FBLN7: variants seen among roughly 807,000 people sequenced by gnomAD.
The protein encoded by FBLN7 is fibulin-7.
In FBLN7, 31 loss-of-function variants were observed where a neutral mutation model predicts 44.0. That is an observed-to-expected ratio of 0.70 (90% CI 0.53 to 0.95). The LOEUF (loss-of-function observed/expected upper bound fraction) is 0.95, where lower values mean the gene tolerates loss of function less well. Among genes scored for constraint, FBLN7 ranks in the 40% least tolerant of loss-of-function variants. FBLN7 has a pLI of 0.00. For missense variants in FBLN7, 573 were observed against 618.5 expected (o/e 0.93, Z 0.78); for synonymous variants, 262 against 253.4 (o/e 1.03, Z -0.32).
chr2:112,188,231 A>G (rs369998762), downstream of FBLN7: 1 of 152,260 alleles, frequency 6.6e-6, no homozygotes, highest in Admixed American at 6.5e-5. Flanking sequence ...CCTGACTTCT[A>G]CCTGAGCATG....
chr2:112,228,194 G>A, the FBLN7 span, among the ~76,000 whole-genome samples: 1 of 152,100 alleles, frequency 6.6e-6, no homozygotes, highest in East Asian at 1.9e-4. Flanking sequence ...GGGGGAAGGG[G>A]CAGTCTTTTT....
chr2:112,218,033 C>A, the FBLN7 span, among the ~76,000 whole-genome samples: 3 of 152,142 alleles, frequency 2.0e-5, no homozygotes, highest in African/African-American at 7.2e-5. Flanking sequence ...GCATTACAGG[C>A]TCATACCAGC....
chr2:112,189,921 T>C (rs1683429087), downstream of FBLN7: 1 of 152,258 alleles, frequency 6.6e-6, no homozygotes, highest in African/African-American at 2.4e-5. Flanking sequence ...TCGTTGACAT[T>C]TCTCTGAGTG....
chr2:112,160,154 C>G (rs1232374774), intron 2 of FBLN7, among the ~76,000 whole-genome samples: 1 of 151,792 alleles, frequency 6.6e-6, no homozygotes, highest in Non-Finnish European at 1.5e-5. Flanking sequence ...CCACGCCCGG[C>G]TAATTTTTTG....
intron 1 of FBLN7, among the ~76,000 whole-genome samples, chr2:112,144,623 C>T (rs563896872): frequency 3.7e-4 from 55 of 150,314 alleles, no homozygotes; most frequent in African/African-American, 1.3e-3. Flanking sequence ...CTCCCGGGTT[C>T]AAGCGATTCT....
intron 4 of FBLN7, among the ~76,000 whole-genome samples, chr2:112,180,484 A>G (rs1198327997): frequency 2.0e-5 from 3 of 152,154 alleles, no homozygotes; most frequent in Non-Finnish European, 4.4e-5. Flanking sequence ...CAGCAATCCT[A>G]TTACTGGGTA....
At chr2:112,183,811 C>G (rs559523053) in intron 6 of FBLN7, among the ~76,000 whole-genome samples, 50 of 152,238 alleles carry the variant, frequency 3.3e-4, no homozygotes, top group African/African-American at 1.1e-3. Flanking sequence ...CAAGGAATGT[C>G]TGCAGCAGGG....
chr2:112,155,095 T>C (rs1681347739), intron 1 of FBLN7, among the ~76,000 whole-genome samples: 1 of 152,184 alleles, frequency 6.6e-6, no homozygotes, highest in Non-Finnish European at 1.5e-5. Flanking sequence ...TTTCTGTATT[T>C]TGAATTGTTT....
chr2:112,190,824 T>G (rs1683462892), downstream of FBLN7, among the ~76,000 whole-genome samples: 1 of 152,136 alleles, frequency 6.6e-6, no homozygotes, highest in Non-Finnish European at 1.5e-5. Flanking sequence ...GTGCTCAGAG[T>G]GCTCATTGGT....
chr2:112,233,695 G>A, the FBLN7 span, among the ~76,000 whole-genome samples: 18 of 152,032 alleles, frequency 1.2e-4, no homozygotes, highest in African/African-American at 3.6e-4. Flanking sequence ...GTGAAACCTC[G>A]TCCCTACTAA....
the FBLN7 span, chr2:112,238,641 A>G: frequency 1.3e-6 from 1 of 785,232 alleles, no homozygotes; most frequent in African/African-American, 1.7e-5. Context: ...GGTGGGTAAT[A>G]GGTACATGGG....
intron 1 of FBLN7, among the ~76,000 whole-genome samples, chr2:112,147,172 G>A (rs1219043053): frequency 1.3e-5 from 2 of 152,082 alleles, no homozygotes; most frequent in African/African-American, 2.4e-5. Flanking sequence ...AAACCATGTG[G>A]GCCTGGAGAC....
chr2:112,172,012 G>A (rs554938236), intron 3 of FBLN7, among the ~76,000 whole-genome samples: 1 of 152,280 alleles, frequency 6.6e-6, no homozygotes, highest in African/African-American at 2.4e-5. Flanking sequence ...CTCCCAAAGT[G>A]CTAGGATTAC....
chr2:112,184,630 AGTGT>A (rs553939625), intron 6 of FBLN7, among the ~76,000 whole-genome samples: 5 of 112,458 alleles, frequency 4.4e-5, no homozygotes, highest in Middle Eastern at 3.7e-3. Flanking sequence ...ATTTAAAAAA[AGTGT>A]GTGTATATAT....
At chr2:112,196,378 T>C in the FBLN7 span, among the ~76,000 whole-genome samples, 2,944 of 133,548 alleles carry the variant, frequency 0.022, 46 homozygotes, top group African/African-American at 0.082. Flanking sequence ...CTTCTTCTTT[T>C]TTTTTTTTTT....
At chr2:112,199,993 T>C in the FBLN7 span, among the ~76,000 whole-genome samples, 1 of 152,166 alleles carries the variant, frequency 6.6e-6, no homozygotes, top group Non-Finnish European at 1.5e-5. Flanking sequence ...GAGCTAAACA[T>C]TTTCTTTATA....
chr2:112,141,785 C>T (rs759839405), intron 1 of FBLN7, among the ~76,000 whole-genome samples: 11 of 152,116 alleles, frequency 7.2e-5, no homozygotes, highest in Non-Finnish European at 1.3e-4. Flanking sequence ...TTTTGCTGCT[C>T]GGGGAATGAG....
chr2:112,151,775 T>C (rs1026184606), intron 1 of FBLN7: 14 of 152,174 alleles, frequency 9.2e-5, no homozygotes, highest in Admixed American at 2.6e-4. Flanking sequence ...TAGGAGGGGA[T>C]TGCAGCTGCT....
At chr2:112,197,961 A>G in the FBLN7 span, among the ~76,000 whole-genome samples, 1 of 152,190 alleles carries the variant, frequency 6.6e-6, no homozygotes, top group Admixed American at 6.5e-5. Context: ...AAGGGGCTCA[A>G]TCAGCATATT....
Sources: gnomAD v4.1 joint callset for allele counts (sites outside exome capture counted in the v4.1 genomes callset) on GRCh38, gnomAD v4.1.1 for gene constraint, MANE v1.5 for transcripts, NCBI Gene and HGNC (gene_info 2026-07-23, HGNC 2026-07-21) for gene names.